Variants in LINGO2 observed in about 807,000 individuals in gnomAD.
LINGO2 encodes the protein leucine-rich repeat and immunoglobulin-like domain-containing nogo receptor-interacting protein 2.
In LINGO2, 14 loss-of-function variants were observed where a neutral mutation model predicts 30.6. The observed-to-expected ratio is 0.46, with a 90% confidence interval of 0.30 to 0.72. LINGO2 has a LOEUF of 0.72. LINGO2 is among the 30% of genes least tolerant of loss of function. The pLI, the probability that LINGO2 is intolerant of heterozygous loss-of-function variation, is 0.07. For missense variants in LINGO2, 729 were observed against 751.7 expected, an observed-to-expected ratio of 0.97 and a Z score of 0.35; for synonymous variants, 317 against 288.5, an observed-to-expected ratio of 1.10 and a Z score of -1.00.
the LINGO2 span, among the ~76,000 whole-genome samples, chr9:28,737,591 G>T: frequency 6.6e-6 from 1 of 152,090 alleles, no homozygotes; most frequent in Non-Finnish European, 1.5e-5. Flanking sequence ...TTCTACTGAG[G>T]CAGCTTGGCT....
chr9:28,013,404 G>A (rs1302694443), intron 4 of LINGO2, among the ~76,000 whole-genome samples: 1 of 152,180 alleles, frequency 6.6e-6, no homozygotes, highest in Non-Finnish European at 1.5e-5. Context: ...CTTATCTGCT[G>A]TACTCAGGGA....
At chr9:28,250,913 C>T (rs1587326433) in intron 4 of LINGO2, among the ~76,000 whole-genome samples, 1 of 148,696 alleles carries the variant, frequency 6.7e-6, no homozygotes, top group East Asian at 2.0e-4. Context: ...TGGGGACCTG[C>T]AAATCCTCCC....
At chr9:28,509,229 C>G (rs905885779) in intron 1 of LINGO2, among the ~76,000 whole-genome samples, 1 of 152,058 alleles carries the variant, frequency 6.6e-6, no homozygotes, top group African/African-American at 2.4e-5. Context: ...GCTTAATTTC[C>G]CTCAAGAACG....
intron 4 of LINGO2, among the ~76,000 whole-genome samples, chr9:28,023,373 T>C (rs2383757): frequency 0.99 from 142,204 of 144,074 alleles, 70,201 homozygotes; most frequent in Middle Eastern, 1. Flanking sequence ...AATTAGAGGC[T>C]TCAAATTCCT....
chr9:28,165,516 T>C (rs1002135006), intron 4 of LINGO2, among the ~76,000 whole-genome samples: 2 of 152,214 alleles, frequency 1.3e-5, no homozygotes, highest in African/African-American at 2.4e-5. Context: ...TGGATTGCAA[T>C]CTCAAATTCA....
chr9:28,630,388 G>T (rs990848255), intron 1 of LINGO2, among the ~76,000 whole-genome samples: 1 of 151,870 alleles, frequency 6.6e-6, no homozygotes, highest in East Asian at 1.9e-4. Context: ...TAACTAATTA[G>T]TCCTAACTTG....
At chr9:28,079,280 C>A (rs1428968091) in intron 4 of LINGO2, among the ~76,000 whole-genome samples, 1 of 151,942 alleles carries the variant, frequency 6.6e-6, no homozygotes, top group Non-Finnish European at 1.5e-5. Context: ...GCAAAAACAC[C>A]AGGGTTTTAG....
the LINGO2 span, among the ~76,000 whole-genome samples, chr9:29,175,912 T>C: frequency 6.6e-6 from 1 of 152,280 alleles, no homozygotes; most frequent in South Asian, 2.1e-4. Flanking sequence ...CCTGAACTTA[T>C]TTTTCATGCT....
chr9:28,209,290 A>G (rs946918177), intron 4 of LINGO2, among the ~76,000 whole-genome samples: 20 of 152,040 alleles, frequency 1.3e-4, no homozygotes, highest in Non-Finnish European at 2.9e-4. Context: ...TTAAGGTGCT[A>G]AAAGGATGCT....
At chr9:29,118,314 C>A in the LINGO2 span, among the ~76,000 whole-genome samples, 1 of 152,110 alleles carries the variant, frequency 6.6e-6, no homozygotes, top group Admixed American at 6.6e-5. Context: ...ATTTAATGGG[C>A]AGTTAGGATT....
chr9:27,952,992 C>A lies in LINGO2; in HGVS notation c.-35-2286G>T, dbSNP rs573054667. ...TATGTAATAGATGAAAAGGTGAATGCCAATAGAAAATTAGGAAATGAGTAT... is the reference window on the plus strand; with the variant it reads ...TATGTAATAGATGAAAAGGTGAATGACAATAGAAAATTAGGAAATGAGTAT... On this transcript the variant is annotated intron_variant, in intron 5 of 5. Coordinates refer to ENST00000379992, the Ensembl canonical transcript of LINGO2. Among the ~76,000 whole-genome samples the A allele has an allele frequency of 3.1e-4, 47 of 151,750 alleles. 1 individual carries two copies. The highest frequency in any genetic ancestry group is 1.1e-3 in the African/African-American group (46 of 41,372).
intron 2 of LINGO2, among the ~76,000 whole-genome samples, chr9:28,373,525 G>GT (rs1264476627): frequency 4.0e-5 from 6 of 151,884 alleles, no homozygotes; most frequent in Non-Finnish European, 4.4e-5. Context: ...CCCAAACGAT[G>GT]TTTTTTTTAG....
the LINGO2 span, among the ~76,000 whole-genome samples, chr9:29,212,233 C>G: frequency 2.6e-5 from 4 of 151,958 alleles, no homozygotes; most frequent in African/African-American, 4.8e-5. Context: ...CCGGGACTGC[C>G]GCTCACGTCC....
At chr9:28,255,391 AAGACAGAGTC>A (rs1234553527) in intron 4 of LINGO2, among the ~76,000 whole-genome samples, 3 of 152,086 alleles carry the variant, frequency 2.0e-5, no homozygotes, top group Non-Finnish European at 4.4e-5. Context: ...TCAGCATGGA[AAGACAGAGTC>A]AGACTTGCTA....
At chr9:28,291,133 G>C (rs150338757) in intron 4 of LINGO2, among the ~76,000 whole-genome samples, 71 of 152,258 alleles carry the variant, frequency 4.7e-4, no homozygotes, top group African/African-American at 1.7e-3. Context: ...CTTACCTATA[G>C]ATATTTCCTG....
chr9:28,653,923 A>G (rs1335980829), intron 1 of LINGO2, among the ~76,000 whole-genome samples: 1 of 152,158 alleles, frequency 6.6e-6, no homozygotes, highest in Admixed American at 6.6e-5. Context: ...TATGTATTAT[A>G]AAACAACATT....
chr9:28,641,314 G>C (rs1433675033), intron 1 of LINGO2, among the ~76,000 whole-genome samples: 1 of 152,090 alleles, frequency 6.6e-6, no homozygotes, highest in Non-Finnish European at 1.5e-5. Context: ...AGGATTACAG[G>C]CGTGAGCCAC....
intron 1 of LINGO2, among the ~76,000 whole-genome samples, chr9:28,620,988 T>A (rs73443347): frequency 0.048 from 7,289 of 152,060 alleles, 422 homozygotes; most frequent in African/African-American, 0.13. Context: ...ATCAAAGTTA[T>A]AAAAACCAGT....
At chr9:28,152,924 A>G (rs2133562786) in intron 4 of LINGO2, among the ~76,000 whole-genome samples, 1 of 152,308 alleles carries the variant, frequency 6.6e-6, no homozygotes, top group Non-Finnish European at 1.5e-5. Context: ...CTGATGGGCA[A>G]CAACTTTGGA....
Sources: gnomAD v4.1 joint callset for allele counts (sites outside exome capture counted in the v4.1 genomes callset) on GRCh38, gnomAD v4.1.1 for gene constraint, MANE v1.5 for transcripts, NCBI Gene and HGNC (gene_info 2026-07-23, HGNC 2026-07-21) for gene names.